Variants in CDH4 observed in about 807,000 individuals in gnomAD.
CDH4 encodes the protein cadherin-4.
A neutral mutation model predicts 86.0 loss-of-function variants in CDH4; 33 were observed. That is an observed-to-expected ratio of 0.38 (90% CI 0.29 to 0.51). The LOEUF (loss-of-function observed/expected upper bound fraction) is 0.51, where lower values mean the gene tolerates loss of function less well. Among genes scored for constraint, CDH4 ranks in the 20% least tolerant of loss-of-function variants. The probability of loss-of-function intolerance (pLI) is 0.86; values close to 1 mark genes in which losing one functional copy is unlikely to be tolerated. For missense variants in CDH4, 1,114 were observed against 1,307.4 expected, an observed-to-expected ratio of 0.85 and a Z score of 2.28; for synonymous variants, 555 against 549.4, an observed-to-expected ratio of 1.01 and a Z score of -0.14.
intron 8 of CDH4, 118 bp from the exon 9 acceptor site, chr20:61,910,304 C>T: frequency 1.2e-6 from 1 of 859,886 alleles, no homozygotes; most frequent in Non-Finnish European, 1.9e-6. Context: ...TCGAGCTGGG[C>T]TGACACGGTG....
At chr20:61,877,354 G>A (rs1984073713) in intron 7 of CDH4, among the ~76,000 whole-genome samples, 1 of 151,106 alleles carries the variant, frequency 6.6e-6, no homozygotes, top group African/African-American at 2.4e-5. Flanking sequence ...ACACAGAGCG[G>A]TACCCACCCC....
At chr20:61,764,995 C>T (rs1029884715) in intron 3 of CDH4, among the ~76,000 whole-genome samples, 12 of 152,286 alleles carry the variant, frequency 7.9e-5, no homozygotes, top group Middle Eastern at 6.8e-3. Context: ...GAGAGGCGAT[C>T]TGAAATGAGA....
intron 7 of CDH4, among the ~76,000 whole-genome samples, chr20:61,881,437 C>T (rs1474811587): frequency 6.6e-6 from 1 of 152,244 alleles, no homozygotes; most frequent in East Asian, 1.9e-4. Flanking sequence ...GGTGCAGCTC[C>T]CCAGCGAGCC....
intron 2 of CDH4, among the ~76,000 whole-genome samples, chr20:61,425,906 C>T (rs985317846): frequency 6.6e-6 from 1 of 152,140 alleles, no homozygotes; most frequent in African/African-American, 2.4e-5. Context: ...AGGGCCCCGC[C>T]CAGGGCAGGA....
At chr20:61,875,361 G>A (rs149606050) in intron 7 of CDH4, among the ~76,000 whole-genome samples, 29 of 152,246 alleles carry the variant, frequency 1.9e-4, no homozygotes, top group African/African-American at 5.3e-4. Context: ...GCAGCCATGC[G>A]GCTTGCGGGG....
Position 61,773,086 on chromosome 20 carries a change from C to G in CDH4, c.480C>G (p.Asn160Lys). 2 of 1,613,530 alleles carry G rather than the reference C, an allele frequency of 1.2e-6. No individual in the cohort carries two copies. Among genetic ancestry groups the G allele is most frequent in the Admixed American group, 3.3e-5 (2 of 60,002 alleles). ...DTLLPWPQHQNANGLRRRKRD... is the reference protein window; with the variant it reads ...DTLLPWPQHQKANGLRRRKRD... Reference sequence around the variant, plus strand: ...TGCTGCCGTGGCCCCAGCACCAGAACGCCAACGGGCTGAGGCGGCGCAAAC... The same window carrying G: ...TGCTGCCGTGGCCCCAGCACCAGAAGGCCAACGGGCTGAGGCGGCGCAAAC... The change falls in exon 4 of 16, where the codon AAC becomes AAG. Residue 160 changes from asparagine (N) to lysine (K), a missense_variant. Asn to Lys is a moderately conservative substitution (Grantham distance 94). Transcript: ENST00000614565.
chr20:61,924,487 C>T lies in CDH4; in HGVS notation c.1771+11C>T, dbSNP rs765385241. On this transcript the variant is annotated intron_variant, in intron 11 of 15. Coordinates refer to ENST00000614565, the MANE Select transcript of CDH4 (RefSeq NM_001794.5). Reference sequence around the variant, plus strand: ...TGGCAGCTGACAATGGTGCGGCCCACCCCAGGGAGGCAGCCGTCTCGGTGG... The same window carrying T: ...TGGCAGCTGACAATGGTGCGGCCCATCCCAGGGAGGCAGCCGTCTCGGTGG... 3 of 1,609,488 alleles carry T rather than the reference C, an allele frequency of 1.9e-6. No homozygotes were observed. Among genetic ancestry groups the T allele is most frequent in the African/African-American group, 2.7e-5 (2 of 74,806 alleles).
rs562333477 is a variant in CDH4 at position 61,330,681 on chromosome 20, G to A, written c.169+75744G>A. 1.7e-4 allele frequency among the ~76,000 whole-genome samples: 26 copies of A among 152,306 alleles called. No individual in the cohort carries two copies. In the East Asian group the frequency reaches 4.8e-3, roughly 28 times the overall value. On this transcript the variant is annotated intron_variant, in intron 2 of 15. Transcript: ENST00000614565. Reference sequence around the variant, plus strand: ...ACAGCAGGATGGCCCTCATTCCCACGAACGGGGTCAGAACACGGCTGCCAC... The same window carrying A: ...ACAGCAGGATGGCCCTCATTCCCACAAACGGGGTCAGAACACGGCTGCCAC...
chr20:61,283,580 G>A (rs1374607023), intron 2 of CDH4, among the ~76,000 whole-genome samples: 2 of 151,604 alleles, frequency 1.3e-5, no homozygotes, highest in Non-Finnish European at 2.9e-5. Context: ...ATTTGCACGT[G>A]TGTGCTGTGG....
chr20:61,303,142 A>C (rs187586558), intron 2 of CDH4, among the ~76,000 whole-genome samples: 1 of 152,312 alleles, frequency 6.6e-6, no homozygotes, highest in Non-Finnish European at 1.5e-5. Context: ...TAGGAAGCAG[A>C]TACACCCTGA....
At chr20:61,643,052 C>A (rs997614102) in intron 2 of CDH4, among the ~76,000 whole-genome samples, 24 of 152,320 alleles carry the variant, frequency 1.6e-4, no homozygotes, top group African/African-American at 5.3e-4. Flanking sequence ...GTTGCTACAA[C>A]TGAATAGCTG....
intron 2 of CDH4, among the ~76,000 whole-genome samples, chr20:61,297,864 T>C (rs987001933): frequency 2.6e-5 from 4 of 152,070 alleles, no homozygotes; most frequent in Middle Eastern, 3.4e-3. Flanking sequence ...GGAACCAGAG[T>C]GAATATATTA....
chr20:61,579,199 T>G (rs1447385922), intron 2 of CDH4, among the ~76,000 whole-genome samples: 2 of 151,162 alleles, frequency 1.3e-5, no homozygotes, highest in African/African-American at 4.9e-5. Context: ...TCCTCAAAAC[T>G]CACTTTACCC....
At chr20:61,276,888 T>C (rs956758703) in intron 2 of CDH4, among the ~76,000 whole-genome samples, 1 of 152,206 alleles carries the variant, frequency 6.6e-6, no homozygotes, top group Non-Finnish European at 1.5e-5. Flanking sequence ...AAAGTAGTTG[T>C]AGTCATCTTT....
intron 3 of CDH4, among the ~76,000 whole-genome samples, chr20:61,749,475 T>C (rs4925278): frequency 0.23 from 34,702 of 152,158 alleles, 4,236 homozygotes; most frequent in East Asian, 0.32. Context: ...ACATACTTCA[T>C]AGCCTTCAAG....
At chr20:61,707,716 A>G (rs2087847027) in intron 2 of CDH4, among the ~76,000 whole-genome samples, 1 of 152,184 alleles carries the variant, frequency 6.6e-6, no homozygotes, top group Admixed American at 6.5e-5. Context: ...CGGTTTTGAG[A>G]TAAAACTGTC....
chr20:61,473,826 CACAGAG>C (rs1036473720), intron 2 of CDH4, among the ~76,000 whole-genome samples: 3 of 152,068 alleles, frequency 2.0e-5, no homozygotes, highest in African/African-American at 7.2e-5. Context: ...CAGACAGACA[CACAGAG>C]ACACTCAGAC....
intron 2 of CDH4, among the ~76,000 whole-genome samples, chr20:61,403,069 T>G (rs909227630): frequency 6.6e-6 from 1 of 152,220 alleles, no homozygotes; most frequent in Admixed American, 6.5e-5. Flanking sequence ...TTGCAAATTT[T>G]GCAGGGGTCT....
chr20:61,466,023 A>G (rs947527284), intron 2 of CDH4, among the ~76,000 whole-genome samples: 5 of 152,148 alleles, frequency 3.3e-5, no homozygotes, highest in Non-Finnish European at 7.4e-5. Flanking sequence ...CCTCTTGGAC[A>G]TTCTTTAATT....
Sources: gnomAD v4.1 joint callset for allele counts (sites outside exome capture counted in the v4.1 genomes callset) on GRCh38, gnomAD v4.1.1 for gene constraint, MANE v1.5 for transcripts, NCBI Gene and HGNC (gene_info 2026-07-23, HGNC 2026-07-21) for gene names.